KANSL1L: variants seen among roughly 807,000 people sequenced by gnomAD.
KANSL1L encodes the protein KAT8 regulatory NSL complex subunit 1-like protein.
In KANSL1L, 25 loss-of-function variants were observed where a neutral mutation model predicts 108.6. That is an observed-to-expected ratio of 0.23 (90% CI 0.17 to 0.32). KANSL1L has a LOEUF of 0.32. Among genes scored for constraint, KANSL1L ranks in the 10% least tolerant of loss-of-function variants. KANSL1L has a pLI of 1.00. For synonymous variants in KANSL1L, 405 were observed against 395.1 expected (o/e 1.03, Z -0.30); for missense variants, 1,137 against 1,125.7 (o/e 1.01, Z -0.14).
chr2:210,129,194 T>C (rs746571925), intron 2 of KANSL1L, 22 bp from the exon 3 acceptor site: 1 of 1,575,368 alleles, frequency 6.3e-7, no homozygotes, highest in South Asian at 1.2e-5. Flanking sequence ...ACAAACACTG[T>C]TACTCAAAGC....
Position 210,113,511 on chromosome 2 carries a change from A to C in KANSL1L, c.1231-9210T>G, listed in dbSNP as rs192932870. On this transcript the variant is annotated intron_variant, in intron 3 of 14. Coordinates refer to ENST00000281772, the MANE Select transcript of KANSL1L (RefSeq NM_152519.4). ...TAGAGTCAAATGTCCAGTTTCCAAA[A>C]ACAACAAAAAAAACAAAAAGCATAC... Among the ~76,000 whole-genome samples the C allele has an allele frequency of 2.0e-5, 3 of 152,282 alleles. No individual in the cohort carries two copies. In the East Asian group the frequency reaches 5.8e-4, roughly 29 times the overall value.
At chr2:210,116,550 A>C (rs1004154145) in intron 3 of KANSL1L, among the ~76,000 whole-genome samples, 2 of 152,096 alleles carry the variant, frequency 1.3e-5, no homozygotes, top group Middle Eastern at 3.2e-3. Flanking sequence ...AGAGGGTGAG[A>C]CTGTGTTTCC....
rs755273513 is a variant in KANSL1L at position 210,098,294 on chromosome 2, T to G, written c.1429-87A>C. 4.6e-5 allele frequency: 54 copies of G among 1,173,536 alleles called. No individual in the cohort carries two copies. In the Middle Eastern group the frequency reaches 5.8e-4, roughly 13 times the overall value. The allele number at this position is 1,173,536 out of a possible 1,614,324, so 72.7% of individuals were successfully genotyped here. The stretch of plus-strand genomic sequence containing the variant: ...TGCATAGTGCCAATTAATCCTTAAC[T>G]TCTCATGACACACATGTTTTTATTT... On this transcript the variant is annotated intron_variant, in intron 4 of 14. Transcript: ENST00000281772.
At chr2:210,141,840 GTGTATCCTACTTAT>G (rs1452571526) in intron 2 of KANSL1L, among the ~76,000 whole-genome samples, 1 of 152,070 alleles carries the variant, frequency 6.6e-6, no homozygotes, top group Non-Finnish European at 1.5e-5. Flanking sequence ...TGTTAATGTG[GTGTATCCTACTTAT>G]TGATTTGTAT....
chr2:210,155,942 T>C lies in KANSL1L; in HGVS notation c.-29-1331A>G, dbSNP rs991023452. ...AAAACACAAAACCAAAAGCTGATTC[T>C]TTACAAAGTCCAACAAAAATGATCA... On this transcript the variant is annotated intron_variant, in intron 1 of 14. Coordinates refer to ENST00000281772, the MANE Select transcript of KANSL1L (RefSeq NM_152519.4). 5.1e-4 allele frequency among the ~76,000 whole-genome samples: 77 copies of C among 152,096 alleles called. 1 individual carries two copies. Among genetic ancestry groups the C allele is most frequent in the Non-Finnish European group, 2.1e-4 (14 of 68,006 alleles).
At chr2:210,145,103 C>T (rs183014071) in intron 2 of KANSL1L, among the ~76,000 whole-genome samples, 376 of 152,276 alleles carry the variant, frequency 2.5e-3, no homozygotes, top group African/African-American at 8.7e-3. Flanking sequence ...TCAAAGATTA[C>T]AAGGATCCTC....
chr2:210,145,495 A>G (rs2095259086), intron 2 of KANSL1L, among the ~76,000 whole-genome samples: 2 of 152,232 alleles, frequency 1.3e-5, no homozygotes, highest in African/African-American at 2.4e-5. Flanking sequence ...GCACACACAC[A>G]GCTACAATGT....
intron 6 of KANSL1L, among the ~76,000 whole-genome samples, chr2:210,052,768 G>A (rs2094307310): frequency 6.6e-6 from 1 of 152,174 alleles, no homozygotes; most frequent in Admixed American, 6.5e-5. Flanking sequence ...CCTAGGCACT[G>A]TGTGGCACAC....
chr2:210,121,465 G>C (rs1378458764), intron 3 of KANSL1L, among the ~76,000 whole-genome samples: 1 of 152,108 alleles, frequency 6.6e-6, no homozygotes, highest in Non-Finnish European at 1.5e-5. Context: ...TGAACACATA[G>C]AGGGGAATAA....
chr2:210,129,105 G>C lies in KANSL1L; in HGVS notation c.1156C>G (p.Gln386Glu), dbSNP rs749139582. 7.4e-6 allele frequency: 12 copies of C among 1,613,970 alleles called. No individual in the cohort carries two copies. Among genetic ancestry groups the C allele is most frequent in the Non-Finnish European group, 1.0e-5 (12 of 1,179,870 alleles). Residue 386 changes from glutamine to glutamate, a missense_variant, in exon 3 of 15, where the codon CAA becomes GAA. By Grantham distance (29) the Gln-to-Glu change is conservative (BLOSUM62 2). Around this residue, in one of 3 missense-constraint regions of KANSL1L, gnomAD observed 556 missense variants for 537.7 expected, o/e 1.03. Coordinates refer to ENST00000281772, the MANE Select transcript of KANSL1L (RefSeq NM_152519.4). ...CATTCTAGGTCTGAAATCTGAGCTT[G>C]AAGCCAAGTCCATCGGCTGCCAACT... ...ARVGSRWTWL[Q>E]AQISDLECKI...
intron 3 of KANSL1L, among the ~76,000 whole-genome samples, chr2:210,124,556 T>C (rs535703502): frequency 1.3e-5 from 2 of 149,526 alleles, no homozygotes; most frequent in Non-Finnish European, 3.0e-5. Flanking sequence ...ACAAAAAAGA[T>C]CTCGAAATAA....
intron 1 of KANSL1L, among the ~76,000 whole-genome samples, chr2:210,166,907 C>A (rs1354789635): frequency 6.6e-6 from 1 of 152,130 alleles, no homozygotes; most frequent in East Asian, 1.9e-4. Flanking sequence ...AAGACAAATT[C>A]TTTTAGCAAA....
intron 2 of KANSL1L, among the ~76,000 whole-genome samples, chr2:210,133,212 T>C (rs1190528044): frequency 6.6e-6 from 1 of 152,142 alleles, no homozygotes; most frequent in Non-Finnish European, 1.5e-5. Flanking sequence ...ATAAGCTACA[T>C]ACACTCCATT....
intron 6 of KANSL1L, among the ~76,000 whole-genome samples, chr2:210,055,583 A>G (rs1253576204): frequency 2.0e-5 from 3 of 152,216 alleles, no homozygotes; most frequent in Admixed American, 6.5e-5. Context: ...CTTTCATGAA[A>G]ATGCTGATAG....
chr2:210,108,988 T>A (rs1391587809), intron 3 of KANSL1L, among the ~76,000 whole-genome samples: 1 of 152,112 alleles, frequency 6.6e-6, no homozygotes, highest in African/African-American at 2.4e-5. Context: ...CTGAAAATGA[T>A]CATGTTGTTT....
Position 210,116,990 on chromosome 2 carries a change from G to C in KANSL1L, c.1230+12041C>G, listed in dbSNP as rs564300892. Among the ~76,000 whole-genome samples, 3 of 152,062 alleles carry C rather than the reference G, an allele frequency of 2.0e-5. No homozygotes were observed. The South Asian group carries it at 6.2e-4, about 32-fold the overall frequency. On this transcript the variant is annotated intron_variant, in intron 3 of 14. Transcript: ENST00000281772. ...TTTGAGAAAGCTCAATGAAATCTAA[G>C]GTAACACAAGAAGGAATTCAGAATC...
chr2:210,076,492 T>C (rs2094543190), intron 5 of KANSL1L, among the ~76,000 whole-genome samples: 1 of 152,178 alleles, frequency 6.6e-6, no homozygotes, highest in South Asian at 2.1e-4. Context: ...TGGCTATTAG[T>C]TGCTCTTATA....
chr2:210,039,823 TGA>T, intron 8 of KANSL1L, among the ~76,000 whole-genome samples: 1 of 151,968 alleles, frequency 6.6e-6, no homozygotes, highest in East Asian at 1.9e-4. Context: ...ACTCTCTCCA[TGA>T]GAACCAATGG....
At chr2:210,164,902 G>A (rs1250514946) in intron 1 of KANSL1L, among the ~76,000 whole-genome samples, 2 of 138,682 alleles carry the variant, frequency 1.4e-5, no homozygotes, top group Non-Finnish European at 1.5e-5. Flanking sequence ...GTCTCGCCCC[G>A]CCACCTAGGC....
Sources: gnomAD v4.1 joint callset for allele counts (sites outside exome capture counted in the v4.1 genomes callset) on GRCh38, gnomAD v4.1.1 for gene constraint, gnomAD v4.1.1 regional missense constraint, MANE v1.5 for transcripts, NCBI Gene and HGNC (gene_info 2026-07-23, HGNC 2026-07-21) for gene names.